AKT3: variants seen among roughly 807,000 people sequenced by gnomAD.
AKT3 encodes the protein RAC-gamma serine/threonine-protein kinase.
A neutral mutation model predicts 65.3 loss-of-function variants in AKT3; 15 were observed. The observed-to-expected ratio is 0.23, with a 90% CI of 0.15 to 0.35. The LOEUF (loss-of-function observed/expected upper bound fraction) is 0.35. Among genes scored for constraint, AKT3 ranks in the 10% least tolerant of loss-of-function variants. The pLI is 1.00. For synonymous variants in AKT3, 206 were observed against 183.8 expected, an observed-to-expected ratio of 1.12 and a Z score of -0.98; for missense variants, 243 against 576.5, an observed-to-expected ratio of 0.42 and a Z score of 5.92.
At chr1:243,805,404 T>A (rs749163776) in intron 2 of AKT3, among the ~76,000 whole-genome samples, 1 of 152,148 alleles carries the variant, frequency 6.6e-6, no homozygotes, top group South Asian at 2.1e-4. Context: ...TGCCATCACA[T>A]ATACAAAAAT....
intron 2 of AKT3, among the ~76,000 whole-genome samples, chr1:243,696,157 A>C (rs1685050985): frequency 6.6e-6 from 1 of 151,378 alleles, no homozygotes; most frequent in Non-Finnish European, 1.5e-5. Flanking sequence ...TTTTTTTTTC[A>C]AAAAAGAAAG....
chr1:243,561,215 G>A (rs560332012), intron 10 of AKT3, among the ~76,000 whole-genome samples: 1 of 152,156 alleles, frequency 6.6e-6, no homozygotes, highest in South Asian at 2.1e-4. Context: ...TAGTTGAAAA[G>A]AAGTATTAGA....
chr1:243,588,473 G>T (rs1675961860), intron 8 of AKT3, among the ~76,000 whole-genome samples: 1 of 152,132 alleles, frequency 6.6e-6, no homozygotes, highest in Non-Finnish European at 1.5e-5. Context: ...TGTAAATACT[G>T]CCTTCCAGAA....
intron 3 of AKT3, among the ~76,000 whole-genome samples, chr1:243,693,244 A>T (rs1396243025): frequency 4.4e-4 from 6 of 13,624 alleles, no homozygotes; most frequent in African/African-American, 1.2e-3. Flanking sequence ...CTACAATTTG[A>T]TATATATATA....
chr1:243,710,736 T>C (rs1278768948), intron 2 of AKT3, among the ~76,000 whole-genome samples: 1 of 152,250 alleles, frequency 6.6e-6, no homozygotes, highest in Non-Finnish European at 1.5e-5. Context: ...ACCAAAGCCA[T>C]ATCCTCTTTA....
chr1:243,621,516 G>C (rs1678751765), intron 6 of AKT3, among the ~76,000 whole-genome samples: 1 of 152,012 alleles, frequency 6.6e-6, no homozygotes, highest in African/African-American at 2.4e-5. Context: ...CTCTTCCTTT[G>C]GTAAACTCAT....
intron 2 of AKT3, among the ~76,000 whole-genome samples, chr1:243,825,270 G>A (rs1694100585): frequency 6.6e-6 from 1 of 152,138 alleles, no homozygotes; most frequent in South Asian, 2.1e-4. Context: ...GGGAGAAAGA[G>A]CATCAGGATA....
At chr1:243,612,811 C>T (rs1677967789) in intron 8 of AKT3, 1 of 151,868 alleles carries the variant, frequency 6.6e-6, no homozygotes, top group African/African-American at 2.4e-5. Flanking sequence ...GAGGCTGAGG[C>T]AGATGGATCA....
At chr1:243,757,511 A>G (rs746279427) in intron 2 of AKT3, among the ~76,000 whole-genome samples, 71 of 152,188 alleles carry the variant, frequency 4.7e-4, no homozygotes, top group South Asian at 8.3e-4. Flanking sequence ...CCTGCTACTC[A>G]GGAGGCTGAG....
chr1:243,559,036 G>C (rs989343198), intron 10 of AKT3, among the ~76,000 whole-genome samples: 1 of 152,030 alleles, frequency 6.6e-6, no homozygotes, highest in African/African-American at 2.4e-5. Context: ...GATTCAATAG[G>C]AGCCAAATCA....
intron 10 of AKT3, among the ~76,000 whole-genome samples, chr1:243,562,572 T>C (rs545768880): frequency 5.3e-5 from 8 of 152,332 alleles, no homozygotes; most frequent in African/African-American, 1.9e-4. Flanking sequence ...ATGCAGCTTC[T>C]AATGTGTTCC....
intron 10 of AKT3, among the ~76,000 whole-genome samples, chr1:243,560,616 C>T (rs1673709750): frequency 6.6e-6 from 1 of 152,006 alleles, no homozygotes; most frequent in Admixed American, 6.6e-5. Context: ...GGTATACAAA[C>T]TGTTTTTAAA....
chr1:243,793,096 G>C (rs1250407489), intron 2 of AKT3: 1 of 152,208 alleles, frequency 6.6e-6, no homozygotes, highest in Non-Finnish European at 1.5e-5. Flanking sequence ...ATCTAGTTCA[G>C]AGTAGAACAG....
intron 6 of AKT3, among the ~76,000 whole-genome samples, chr1:243,615,480 G>T (rs184179665): frequency 4.2e-3 from 634 of 152,186 alleles, no homozygotes; most frequent in Middle Eastern, 6.8e-3. Context: ...CCTCCTTGAA[G>T]GGAACAATTT....
intron 2 of AKT3, among the ~76,000 whole-genome samples, chr1:243,705,113 A>G (rs1325895665): frequency 6.6e-6 from 1 of 152,162 alleles, no homozygotes; most frequent in East Asian, 1.9e-4. Context: ...TAGTCAAGAA[A>G]CTCTCATTCT....
intron 13 of AKT3, among the ~76,000 whole-genome samples, chr1:243,512,086 C>A (rs1321477078): frequency 2.0e-5 from 3 of 152,202 alleles, no homozygotes; most frequent in Non-Finnish European, 4.4e-5. Flanking sequence ...TCTACAATTT[C>A]TCTCTATATA....
intron 3 of AKT3, among the ~76,000 whole-genome samples, chr1:243,690,037 T>A (rs773840038): frequency 7.2e-5 from 11 of 152,148 alleles, no homozygotes; most frequent in South Asian, 4.1e-4. Context: ...ACCTATTTTT[T>A]AAGAAGGGAC....
At chr1:243,544,280 G>A (rs954070169) in intron 12 of AKT3, among the ~76,000 whole-genome samples, 38 of 147,684 alleles carry the variant, frequency 2.6e-4, no homozygotes, top group Non-Finnish European at 4.2e-4. Context: ...GGGAGGGGGG[G>A]ACAGACATAA....
At chr1:243,688,522 C>A (rs1449627363) in intron 3 of AKT3, among the ~76,000 whole-genome samples, 1 of 152,000 alleles carries the variant, frequency 6.6e-6, no homozygotes. Flanking sequence ...TCCAAATATT[C>A]CAGAAAAGAT....
Sources: allele counts gnomAD v4.1 joint callset (sites outside exome capture counted in the v4.1 genomes callset), GRCh38; gene constraint gnomAD v4.1.1; transcripts MANE v1.5; gene names NCBI Gene and HGNC (gene_info 2026-07-23, HGNC 2026-07-21).